Variants in ILRUN observed in about 807,000 individuals in gnomAD.
The protein encoded by ILRUN is protein ILRUN.
In ILRUN, 3 loss-of-function variants were observed where a neutral mutation model predicts 33.8. The ratio of observed to expected loss-of-function variants is 0.09; its 90% CI spans 0.04 to 0.23. The LOEUF is 0.23. Among genes scored for constraint, ILRUN ranks in the 10% least tolerant of loss-of-function variants. The probability of loss-of-function intolerance (pLI) is 1.00; values close to 1 mark genes in which losing one functional copy is unlikely to be tolerated. For synonymous variants in ILRUN, 124 were observed against 138.9 expected, an observed-to-expected ratio of 0.89 and a Z score of 0.75; for missense variants, 210 against 375.1, an observed-to-expected ratio of 0.56 and a Z score of 3.64.
chr6:34,646,493 G>A lies in ILRUN; in HGVS notation c.511+108C>T. 1.0e-6 allele frequency: 1 copy of A among 987,822 alleles called. No homozygotes were observed. The highest frequency in any genetic ancestry group is 1.6e-5 in the South Asian group (1 of 63,798). 61.2% of individuals were successfully genotyped at this position (987,822 alleles called of 1,614,324 possible). The stretch of plus-strand genomic sequence containing the variant: ...ACCTGCATGAGGTGACTGTTAAAAA[G>A]AGGCCATGCCCTGTTATGCAATTTG... On this transcript the variant is annotated intron_variant, in intron 3 of 4. Coordinates refer to ENST00000374023, the MANE Select transcript of ILRUN (RefSeq NM_024294.4). This position sits in a 1 kb window ranked among gnomAD's most constrained non-coding sequence, Gnocchi z 4.9.
chr6:34,683,463 CAT>C (rs768330830), intron 1 of ILRUN, among the ~76,000 whole-genome samples: 13 of 102,698 alleles, frequency 1.3e-4, no homozygotes, highest in South Asian at 5.6e-4. Flanking sequence ...CATATATATA[CAT>C]ATATATACAC....
At chr6:34,680,754 T>A (rs1343981990) in intron 1 of ILRUN, among the ~76,000 whole-genome samples, 2 of 152,050 alleles carry the variant, frequency 1.3e-5, no homozygotes, top group Non-Finnish European at 2.9e-5. Flanking sequence ...TTTATTTTTA[T>A]ATTTTTTTCT....
At position 34,696,753 on chromosome 6, in the gene ILRUN, G is replaced by A. The variant is rs1263237581; in HGVS notation, c.-150C>T. The A allele has an allele frequency of 1.6e-5, 10 of 627,782 alleles. No individual in the cohort carries two copies. Among genetic ancestry groups the A allele is most frequent in the Admixed American group, 3.3e-5 (1 of 29,922 alleles). 38.9% of individuals were successfully genotyped at this position (627,782 alleles called of 1,614,324 possible). A position where few individuals can be genotyped will look rare whatever the true frequency, so the allele number is the denominator to read the frequency against. On this transcript the variant is annotated 5_prime_UTR_variant, in exon 1 of 5. Transcript: ENST00000374023. ...CCCCGGGCCTCTCACAGTCTCATAG[G>A]GGTAAACTCACTCTGCCACTCACTC...
intron 3 of ILRUN, among the ~76,000 whole-genome samples, chr6:34,639,426 A>G (rs1762426498): frequency 6.6e-6 from 1 of 152,184 alleles, no homozygotes; most frequent in Non-Finnish European, 1.5e-5. Flanking sequence ...CTCCTTTGGA[A>G]ATCTGGAAGG....
At chr6:34,644,479 T>C (rs1386020630) in intron 3 of ILRUN, among the ~76,000 whole-genome samples, 1 of 152,060 alleles carries the variant, frequency 6.6e-6, no homozygotes, top group Non-Finnish European at 1.5e-5. Context: ...GAAGAGCTAA[T>C]ATAAAGGAGC....
chr6:34,634,669 T>G (rs1762319230), intron 3 of ILRUN, among the ~76,000 whole-genome samples: 1 of 152,188 alleles, frequency 6.6e-6, no homozygotes, highest in African/African-American at 2.4e-5. Flanking sequence ...CAAACAACTC[T>G]ATGAACATAA....
chr6:34,619,846 A>G (rs1761976243), intron 3 of ILRUN, among the ~76,000 whole-genome samples: 1 of 152,004 alleles, frequency 6.6e-6, no homozygotes, highest in African/African-American at 2.4e-5. Context: ...TTAGTCGAGC[A>G]TGGTGGTGCA....
At chr6:34,609,900 T>C (rs1761712539) in intron 3 of ILRUN, among the ~76,000 whole-genome samples, 1 of 152,154 alleles carries the variant, frequency 6.6e-6, no homozygotes. Context: ...GGCTCATGCC[T>C]GTAATCCCAG....
chr6:34,633,886 AGGGAGG>A (rs1762299793), intron 3 of ILRUN, among the ~76,000 whole-genome samples: 1 of 18,356 alleles, frequency 5.4e-5, no homozygotes, highest in African/African-American at 5.0e-4. Context: ...GGAGAGAGGG[AGGGAGG>A]GAGGGAGGGA....
chr6:34,673,184 T>G (rs1217482200), intron 1 of ILRUN, among the ~76,000 whole-genome samples: 2 of 152,082 alleles, frequency 1.3e-5, no homozygotes, highest in Admixed American at 1.3e-4. Flanking sequence ...AAATTTTATC[T>G]CTCTTGCACT....
intron 3 of ILRUN, among the ~76,000 whole-genome samples, chr6:34,627,705 T>C (rs889405725): frequency 2.0e-4 from 17 of 85,842 alleles, no homozygotes; most frequent in African/African-American, 7.7e-4. Context: ...TCTTTGGCCC[T>C]TTTTTTTTTT....
Position 34,615,889 on chromosome 6 carries a change from G to A in ILRUN, c.512-8985C>T, listed in dbSNP as rs547399397. 9.3e-4 allele frequency among the ~76,000 whole-genome samples: 142 copies of A among 152,248 alleles called. 3 individuals carry two copies. Among genetic ancestry groups the A allele is most frequent in the Admixed American group, 7.1e-3 (108 of 15,290 alleles). ...GGGTTACATCAATGACTGTACAACC[G>A]AACCACCATCATCTTGATGTGGATG... On this transcript the variant is annotated intron_variant, in intron 3 of 4. Transcript: ENST00000374023.
chr6:34,653,209 C>T (rs1002891956), intron 2 of ILRUN, among the ~76,000 whole-genome samples: 1 of 146,982 alleles, frequency 6.8e-6, no homozygotes, highest in African/African-American at 2.5e-5. Flanking sequence ...TTTCAAAGAA[C>T]TATGGTTAAT....
chr6:34,663,103 G>C (rs1456702074), intron 1 of ILRUN, among the ~76,000 whole-genome samples: 1 of 151,750 alleles, frequency 6.6e-6, no homozygotes, highest in African/African-American at 2.4e-5. Flanking sequence ...CAAAAAAAAA[G>C]AGTTAAGATG....
Position 34,654,606 on chromosome 6 carries a change from T to C in ILRUN, c.313+19A>G, listed in dbSNP as rs1466016159. The C allele has an allele frequency of 1.3e-6, 2 of 1,586,818 alleles. No homozygotes were observed. Among genetic ancestry groups the C allele is most frequent in the Non-Finnish European group, 1.7e-6 (2 of 1,169,298 alleles). On this transcript the variant is annotated intron_variant, in intron 2 of 4. Transcript: ENST00000374023. ...AAAATGAAAACTAGGCAAGGGAGGA[T>C]TGCCCATTATGTACTTACCAGAATT...
intron 3 of ILRUN, among the ~76,000 whole-genome samples, chr6:34,613,766 T>TG (rs930621636): frequency 1.9e-4 from 29 of 152,344 alleles, no homozygotes; most frequent in African/African-American, 6.7e-4. Flanking sequence ...ATACAAAAGT[T>TG]GGTGTGCATA....
chr6:34,652,662 C>A (rs1762692921), intron 2 of ILRUN, among the ~76,000 whole-genome samples: 1 of 152,066 alleles, frequency 6.6e-6, no homozygotes, highest in Non-Finnish European at 1.5e-5. Context: ...AGTTTTAAAT[C>A]ATCTCATATA....
At chr6:34,668,234 T>C (rs919941047) in intron 1 of ILRUN, among the ~76,000 whole-genome samples, 1 of 152,192 alleles carries the variant, frequency 6.6e-6, no homozygotes, top group African/African-American at 2.4e-5. Flanking sequence ...ACATATAACC[T>C]TACCATACAA....
chr6:34,633,880 AGAGGGAGGGAGG>A (rs750015797), intron 3 of ILRUN, among the ~76,000 whole-genome samples: 16,513 of 64,784 alleles, frequency 0.25, 2,292 homozygotes, highest in East Asian at 0.39. Context: ...ATGGAGGGAG[AGAGGGAGGGAGG>A]GAGGGAGGGA....
Sources: gnomAD v4.1 joint callset for allele counts (sites outside exome capture counted in the v4.1 genomes callset) on GRCh38, gnomAD v4.1.1 for gene constraint, Gnocchi (gnomAD v3.1) non-coding constraint, MANE v1.5 for transcripts, NCBI Gene and HGNC (gene_info 2026-07-23, HGNC 2026-07-21) for gene names.